The following DNAAF9 variants were observed in gnomAD, a reference collection of about 807,000 sequenced individuals.
DNAAF9 encodes the protein dynein axonemal assembly factor 9.
DNAAF9 carries 90 observed loss-of-function variants against 167.0 expected under a neutral mutation model. The observed-to-expected ratio is 0.54, with a 90% confidence interval of 0.45 to 0.64. The LOEUF (loss-of-function observed/expected upper bound fraction) is 0.64. Among genes scored for constraint, DNAAF9 ranks in the 30% least tolerant of loss-of-function variants. The probability of loss-of-function intolerance (pLI) is 0.00; values close to 1 mark genes in which losing one functional copy is unlikely to be tolerated. For missense variants in DNAAF9, 1,315 were observed against 1,442.2 expected (o/e 0.91, Z 1.43); for synonymous variants, 491 against 508.8 (o/e 0.96, Z 0.47).
rs56074876 is a variant in DNAAF9 at position 3,283,832 on chromosome 20, G to C, written c.2487-2066C>G. On this transcript the variant is annotated intron_variant, in intron 27 of 36. Coordinates refer to ENST00000252032, the MANE Select transcript of DNAAF9 (RefSeq NM_001009984.3). ...TAGGGGAGCAAAGGACAACGGAAAA[G>C]GATTCACAAGTCATGCTTGAGGAGT... Among the ~76,000 whole-genome samples, 350 of 152,298 alleles carry C rather than the reference G, an allele frequency of 2.3e-3. 2 individuals are homozygous for C. Among genetic ancestry groups the C allele is most frequent in the African/African-American group, 8.1e-3 (335 of 41,564 alleles).
intron 1 of DNAAF9, among the ~76,000 whole-genome samples, chr20:3,406,920 G>A (rs753571971): frequency 6.6e-6 from 1 of 151,956 alleles, no homozygotes; most frequent in Admixed American, 6.6e-5. Context: ...GGGGGCGGGG[G>A]ACACTCTTTA....
chr20:3,367,429 G>A (rs1432888749), intron 6 of DNAAF9, among the ~76,000 whole-genome samples: 2 of 152,316 alleles, frequency 1.3e-5, no homozygotes, highest in Middle Eastern at 3.4e-3. Context: ...GCTGTTTGGT[G>A]CAAGAGGTCT....
chr20:3,398,677 G>A (rs764401863), intron 1 of DNAAF9, among the ~76,000 whole-genome samples: 4 of 152,190 alleles, frequency 2.6e-5, no homozygotes, highest in Non-Finnish European at 4.4e-5. Context: ...TGTTGGTGGG[G>A]TTTGGGAATC....
Position 3,318,345 on chromosome 20 carries a change from C to G in DNAAF9, c.1412G>C (p.Gly471Ala), listed in dbSNP as rs2069547575. 2.5e-6 allele frequency: 4 copies of G among 1,607,450 alleles called. No individual in the cohort carries two copies. The highest frequency in any genetic ancestry group is 3.4e-6 in the Non-Finnish European group (4 of 1,174,412). The change falls in exon 17 of 37, where the codon GGA becomes GCA. Residue 471 changes from glycine (G) to alanine (A), a missense_variant. Around this residue, in one of 2 missense-constraint regions of DNAAF9, gnomAD observed 981 missense variants for 1,012.5 expected, o/e 0.97. Transcript: ENST00000252032. The stretch of plus-strand genomic sequence containing the variant: ...AAATGATTCAGAGAAAACCACAGAT[C>G]CTAAACAACCATTGCCTCCCAGTAA... ...PDLLGGNGCL[G>A]SVVFSESFLT...
Position 3,375,086 on chromosome 20 carries a change from C to G in DNAAF9, c.449G>C (p.Ser150Thr), listed in dbSNP as rs756374950. ...EEAAEEFKITSFVDMVRDCSR... is the reference protein window; with the variant it reads ...EEAAEEFKITTFVDMVRDCSR... Reference sequence around the variant, plus strand: ...ACAGTCTCGAACCATGTCCACAAAGCTGGTAATTTTAAATTCTTCTGCGGC... The same window carrying G: ...ACAGTCTCGAACCATGTCCACAAAGGTGGTAATTTTAAATTCTTCTGCGGC... The change falls in exon 5 of 37, where the codon AGC (serine) becomes ACC (threonine). Residue 150 changes from serine to threonine, a missense_variant. By Grantham distance (58) the Ser-to-Thr change is moderately conservative. This residue lies in a region of DNAAF9 where 981 missense variants were observed against 1,012.5 expected (regional missense o/e 0.97). Coordinates refer to ENST00000252032, the MANE Select transcript of DNAAF9 (RefSeq NM_001009984.3). 1 of 1,612,428 alleles carries G rather than the reference C, an allele frequency of 6.2e-7. No individual in the cohort carries two copies. Among genetic ancestry groups the G allele is most frequent in the Non-Finnish European group, 8.5e-7 (1 of 1,178,514 alleles).
At chr20:3,277,955 T>G (rs779685643) in intron 29 of DNAAF9, among the ~76,000 whole-genome samples, 17 of 152,176 alleles carry the variant, frequency 1.1e-4, no homozygotes. Context: ...GAAACTGTGC[T>G]GGGGACACTG....
intron 12 of DNAAF9, 43 bp downstream of exon 12, chr20:3,330,603 T>A: frequency 8.2e-7 from 1 of 1,223,262 alleles, no homozygotes; most frequent in East Asian, 2.3e-5. Context: ...CACAACTGAG[T>A]AACTCAACTT....
In DNAAF9 at chr20:3,334,374, A is replaced by G. The variant is rs1258849398; in HGVS notation, c.982-2013T>C. On this transcript the variant is annotated intron_variant, in intron 10 of 36. Transcript: ENST00000252032. Reference sequence around the variant, plus strand: ...CTCCAAATGAATAGTTTCTTTGTCCACTCAGTACAGACATCAGAATCTTGG... The same window carrying G: ...CTCCAAATGAATAGTTTCTTTGTCCGCTCAGTACAGACATCAGAATCTTGG... Among the ~76,000 whole-genome samples the G allele has an allele frequency of 3.9e-5, 6 of 152,200 alleles. No homozygotes were observed. The South Asian group carries it at 6.2e-4, about 16-fold the overall frequency.
chr20:3,332,886 GC>G (rs1464735993), intron 10 of DNAAF9, among the ~76,000 whole-genome samples: 9 of 137,060 alleles, frequency 6.6e-5, no homozygotes, highest in Non-Finnish European at 1.4e-4. Context: ...ATGCGTGTGT[GC>G]GTGTGTGCGT....
At chr20:3,316,062 C>A (rs184554519) in intron 18 of DNAAF9, 2 of 482,252 alleles carry the variant, frequency 4.1e-6, no homozygotes, top group Non-Finnish European at 7.3e-6. Flanking sequence ...CTGTATTTCA[C>A]TTCAGAAAAA....
intron 26 of DNAAF9, 106 bp downstream of exon 26, chr20:3,290,023 T>C (rs2068922309): frequency 6.8e-6 from 5 of 734,444 alleles, no homozygotes; most frequent in Non-Finnish European, 5.0e-6. Flanking sequence ...ACTACCATGC[T>C]GATACCAGTC....
chr20:3,338,757 A>G (rs2070019419), intron 10 of DNAAF9, among the ~76,000 whole-genome samples: 1 of 149,368 alleles, frequency 6.7e-6, no homozygotes, highest in Non-Finnish European at 1.5e-5. Context: ...GGTTCAAGCG[A>G]TTCTCCCACC....
At chr20:3,324,328 T>C (rs1177148731) in intron 14 of DNAAF9, among the ~76,000 whole-genome samples, 1 of 152,144 alleles carries the variant, frequency 6.6e-6, no homozygotes, top group East Asian at 1.9e-4. Flanking sequence ...TGTATAAAAG[T>C]GCACATAATG....
chr20:3,326,346 A>G, intron 12 of DNAAF9, 62 bp from the exon 13 acceptor site: 3 of 1,092,524 alleles, frequency 2.7e-6, no homozygotes, highest in Non-Finnish European at 4.2e-6. Flanking sequence ...CAAAAGATGC[A>G]TGCACATAAA....
chr20:3,325,005 A>T, intron 13 of DNAAF9, 37 bp from the exon 14 acceptor site: 1 of 1,181,792 alleles, frequency 8.5e-7, no homozygotes, highest in Non-Finnish European at 1.3e-6. Context: ...TAGCTTTCAC[A>T]GCAGGAAAAA....
chr20:3,397,490 T>C (rs1456875640), intron 1 of DNAAF9, among the ~76,000 whole-genome samples: 1 of 152,076 alleles, frequency 6.6e-6, no homozygotes, highest in East Asian at 1.9e-4. Flanking sequence ...AGCTAATTTT[T>C]TGTATTTTTA....
intron 4 of DNAAF9, 74 bp from the exon 5 acceptor site, chr20:3,375,200 T>C: frequency 1.0e-6 from 1 of 964,388 alleles, no homozygotes; most frequent in Non-Finnish European, 1.7e-6. Context: ...CTCTGCATTT[T>C]GTCAACCAGA....
Position 3,294,609 on chromosome 20 carries a change from A to G in DNAAF9, c.2039T>C (p.Leu680Pro), listed in dbSNP as rs1370320253. The part of the protein sequence containing the change: ...QKRLHSSAQK[L>P]FSALSQPAGE... ...AGCAGGCTGGCTCAGGGCACTGAAGAGCTTCTGTGCACTGGAGTGCCTGGA... is the reference window on the plus strand; with the variant it reads ...AGCAGGCTGGCTCAGGGCACTGAAGGGCTTCTGTGCACTGGAGTGCCTGGA... The change falls in exon 24 of 37, where the codon CTC becomes CCC. Residue 680 changes from leucine to proline, a missense_variant. Physicochemically the swap from Leu to Pro is moderately conservative, Grantham distance 98. Around this residue, in one of 2 missense-constraint regions of DNAAF9, gnomAD observed 981 missense variants for 1,012.5 expected, o/e 0.97. Transcript: ENST00000252032. The G allele has an allele frequency of 1.2e-6, 2 of 1,611,562 alleles. No homozygotes were observed. The highest frequency in any genetic ancestry group is 1.7e-6 in the Non-Finnish European group (2 of 1,177,796).
intron 35 of DNAAF9, 61 bp downstream of exon 35, chr20:3,255,158 G>T: frequency 2.0e-6 from 2 of 1,020,988 alleles, no homozygotes; most frequent in Non-Finnish European, 3.0e-6. Flanking sequence ...AAAATACAGA[G>T]CTAGGCAAGC....
Sources: gnomAD v4.1 joint callset for allele counts (sites outside exome capture counted in the v4.1 genomes callset) on GRCh38, gnomAD v4.1.1 for gene constraint, gnomAD v4.1.1 regional missense constraint, MANE v1.5 for transcripts, NCBI Gene and HGNC (gene_info 2026-07-23, HGNC 2026-07-21) for gene names.